The following GRID1 variants were observed in gnomAD, a reference collection of about 807,000 sequenced individuals.
The protein encoded by GRID1 is glutamate ionotropic receptor delta type subunit 1.
GRID1 carries 28 observed loss-of-function variants against 98.0 expected under a neutral mutation model. The ratio of observed to expected loss-of-function variants is 0.29; its 90% CI spans 0.21 to 0.39. GRID1 has a LOEUF of 0.39. Ranked by LOEUF, GRID1 falls within the 10% of genes least tolerant of loss-of-function variation. GRID1 has a pLI of 1.00. For synonymous variants in GRID1, 553 were observed against 538.5 expected, an observed-to-expected ratio of 1.03 and a Z score of -0.37; for missense variants, 1,111 against 1,340.5, an observed-to-expected ratio of 0.83 and a Z score of 2.67.
chr10:86,098,233 A>C (rs1844248626), intron 4 of GRID1, among the ~76,000 whole-genome samples: 1 of 152,194 alleles, frequency 6.6e-6, no homozygotes, highest in Non-Finnish European at 1.5e-5. Flanking sequence ...ACCATCACAC[A>C]ACCATTGTTA....
chr10:85,826,039 C>T (rs916197983), intron 8 of GRID1, among the ~76,000 whole-genome samples: 1 of 152,136 alleles, frequency 6.6e-6, no homozygotes, highest in Admixed American at 6.5e-5. Context: ...TAAATACCCG[C>T]AATCAGGCTA....
chr10:86,310,019 AG>A (rs1847811021), intron 2 of GRID1, among the ~76,000 whole-genome samples: 1 of 152,316 alleles, frequency 6.6e-6, no homozygotes, highest in South Asian at 2.1e-4. Flanking sequence ...GGCTGGCCTG[AG>A]GCCACCTGCT....
intron 2 of GRID1, among the ~76,000 whole-genome samples, chr10:86,351,377 A>G (rs1182401134): frequency 6.6e-6 from 1 of 152,250 alleles, no homozygotes; most frequent in Non-Finnish European, 1.5e-5. Flanking sequence ...CCCAGGGTCA[A>G]GCCACAGGGC....
intron 4 of GRID1, among the ~76,000 whole-genome samples, chr10:85,939,201 G>T (rs893520801): frequency 5.3e-4 from 81 of 152,234 alleles, no homozygotes; most frequent in African/African-American, 1.9e-3. Flanking sequence ...GGAGGTCAAG[G>T]TCAAGTCTAT....
intron 2 of GRID1, among the ~76,000 whole-genome samples, chr10:86,209,476 T>C (rs1250162654): frequency 1.3e-5 from 2 of 152,140 alleles, no homozygotes; most frequent in Non-Finnish European, 2.9e-5. Flanking sequence ...ATGGGGAAAA[T>C]GCTTCTGAGA....
At chr10:86,124,849 G>A (rs907875360) in intron 4 of GRID1, among the ~76,000 whole-genome samples, 5 of 152,180 alleles carry the variant, frequency 3.3e-5, no homozygotes, top group Admixed American at 6.5e-5. Context: ...GCCAGGGCGG[G>A]AGCTTATGGA....
At chr10:86,001,197 A>C (rs1842798777) in intron 4 of GRID1, among the ~76,000 whole-genome samples, 1 of 152,174 alleles carries the variant, frequency 6.6e-6, no homozygotes, top group Non-Finnish European at 1.5e-5. Flanking sequence ...GGGTAGGAAA[A>C]TGCTGTCACT....
At chr10:85,647,118 C>G in intron 13 of GRID1, 84 bp downstream of exon 13, 1 of 1,046,776 alleles carries the variant, frequency 9.6e-7, no homozygotes, top group Non-Finnish European at 1.5e-6. Flanking sequence ...GAGGCAGATG[C>G]CCCTGGAGGT....
intron 4 of GRID1, among the ~76,000 whole-genome samples, chr10:85,955,403 C>G (rs372805279): frequency 5.9e-5 from 9 of 152,072 alleles, no homozygotes; most frequent in East Asian, 5.8e-4. Context: ...AGAACCTGGA[C>G]GCAATGGCCT....
chr10:85,766,732 G>T (rs1365438535), intron 8 of GRID1, among the ~76,000 whole-genome samples: 1 of 102,840 alleles, frequency 9.7e-6, no homozygotes, highest in African/African-American at 3.2e-5. Flanking sequence ...GCAGATGATT[G>T]TGTGTGTGTG....
In GRID1 at chr10:86,130,815, C is replaced by G. The variant is rs530081273; in HGVS notation, c.726+8004G>C. On this transcript the variant is annotated intron_variant, in intron 4 of 15. Coordinates refer to ENST00000327946, the MANE Select transcript of GRID1 (RefSeq NM_017551.3). ...TTAAGCCATCTGCAGATGGCAGGAG[C>G]TAAAAGAGCACTGTAACATGCCCAC... 4.0e-3 allele frequency among the ~76,000 whole-genome samples: 602 copies of G among 152,318 alleles called. 5 individuals carry two copies. The highest frequency in any genetic ancestry group is 0.013 in the African/African-American group (561 of 41,580).
intron 8 of GRID1, among the ~76,000 whole-genome samples, chr10:85,761,205 T>C (rs1281512062): frequency 1.3e-5 from 2 of 152,218 alleles, no homozygotes; most frequent in South Asian, 4.1e-4. Flanking sequence ...CAATTCTCAA[T>C]GAGCTCCAAA....
At chr10:86,320,480 G>C (rs1283774535) in intron 2 of GRID1, among the ~76,000 whole-genome samples, 1 of 152,208 alleles carries the variant, frequency 6.6e-6, no homozygotes, top group Non-Finnish European at 1.5e-5. Flanking sequence ...ATCTGGAGTA[G>C]TCAAAGTCAG....
intron 2 of GRID1, among the ~76,000 whole-genome samples, chr10:86,232,931 GT>G (rs1846479086): frequency 6.6e-6 from 1 of 152,202 alleles, no homozygotes; most frequent in Admixed American, 6.5e-5. Context: ...CCACATTTAT[GT>G]GGCTCCTCTA....
At chr10:86,293,513 T>C (rs543940991) in intron 2 of GRID1, among the ~76,000 whole-genome samples, 2 of 152,250 alleles carry the variant, frequency 1.3e-5, no homozygotes, top group Non-Finnish European at 2.9e-5. Flanking sequence ...GCCATTTACA[T>C]GTTAAAGACT....
chr10:85,807,627 G>A (rs771721597), intron 8 of GRID1, among the ~76,000 whole-genome samples: 4 of 151,992 alleles, frequency 2.6e-5, no homozygotes, highest in Non-Finnish European at 4.4e-5. Flanking sequence ...ATGAAGAGCT[G>A]CTCAGTTTTC....
chr10:85,816,172 A>G (rs1157818610), intron 8 of GRID1, among the ~76,000 whole-genome samples: 1 of 152,150 alleles, frequency 6.6e-6, no homozygotes, highest in Non-Finnish European at 1.5e-5. Context: ...ATTCTACTTC[A>G]AGGTATACAT....
At chr10:85,610,885 G>T (rs982726780) in intron 15 of GRID1, among the ~76,000 whole-genome samples, 3 of 152,196 alleles carry the variant, frequency 2.0e-5, no homozygotes, top group South Asian at 2.1e-4. Flanking sequence ...ACCAGAAGGG[G>T]TTGGAGGACA....
intron 4 of GRID1, among the ~76,000 whole-genome samples, chr10:85,989,860 T>C (rs1842658594): frequency 1.3e-5 from 2 of 152,204 alleles, no homozygotes; most frequent in African/African-American, 2.4e-5. Context: ...ACGATGGTAT[T>C]AGGACATGGA....
Sources: gnomAD v4.1 joint callset for allele counts (sites outside exome capture counted in the v4.1 genomes callset) on GRCh38, gnomAD v4.1.1 for gene constraint, MANE v1.5 for transcripts, NCBI Gene and HGNC (gene_info 2026-07-23, HGNC 2026-07-21) for gene names.